The following SLC8A1 variants were observed in gnomAD, a reference collection of about 807,000 sequenced individuals.
The protein encoded by SLC8A1 is solute carrier family 8 member A1, also known as sodium/calcium exchanger 1.
Under a neutral mutation model 68.3 loss-of-function variants are expected in SLC8A1, and 18 were observed. That is an observed-to-expected ratio of 0.26 (90% CI 0.18 to 0.39). The LOEUF (loss-of-function observed/expected upper bound fraction) is 0.39, where lower values mean the gene tolerates loss of function less well. SLC8A1 is among the 10% of genes least tolerant of loss of function. SLC8A1 has a pLI of 1.00. For missense variants in SLC8A1, 985 were observed against 1,156.7 expected (o/e 0.85, Z 2.15); for synonymous variants, 475 against 415.5 (o/e 1.14, Z -1.74).
At chr2:40,309,788 G>A (rs946306646) in intron 2 of SLC8A1, among the ~76,000 whole-genome samples, 2 of 152,104 alleles carry the variant, frequency 1.3e-5, no homozygotes, top group African/African-American at 4.8e-5. Flanking sequence ...ACAGGCGTGA[G>A]CTATCGTTCC....
chr2:40,104,252 G>C (rs2125034181), exon 8 of SLC8A1: 2 of 152,280 alleles, frequency 1.3e-5, no homozygotes, highest in Admixed American at 1.3e-4. Context: ...AAGTCCAAAA[G>C]AGCAACAGGC....
At chr2:40,488,955 G>A (rs113583694) in intron 1 of SLC8A1, among the ~76,000 whole-genome samples, 74 of 152,220 alleles carry the variant, frequency 4.9e-4, no homozygotes, top group African/African-American at 1.6e-3. Flanking sequence ...GTTGGATTTG[G>A]AAGTAGAATA....
At chr2:40,334,044 T>C (rs1314158940) in intron 2 of SLC8A1, among the ~76,000 whole-genome samples, 2 of 152,078 alleles carry the variant, frequency 1.3e-5, no homozygotes, top group Non-Finnish European at 2.9e-5. Flanking sequence ...AGAAACTCCA[T>C]CTCAAAAACA....
chr2:40,411,422 G>C (rs569420389), intron 2 of SLC8A1, among the ~76,000 whole-genome samples: 19 of 152,014 alleles, frequency 1.2e-4, no homozygotes, highest in Admixed American at 7.9e-4. Context: ...TCTTAAAATA[G>C]CTTTGTGAAA....
At chr2:40,127,393 C>CAGAA (rs2038356212) in intron 7 of SLC8A1, among the ~76,000 whole-genome samples, 1 of 152,154 alleles carries the variant, frequency 6.6e-6, no homozygotes, top group Non-Finnish European at 1.5e-5. Flanking sequence ...TGCTGGTTCC[C>CAGAA]CTTGAGCAAC....
intron 2 of SLC8A1, among the ~76,000 whole-genome samples, chr2:40,273,728 G>T (rs1049140614): frequency 2.0e-5 from 3 of 152,162 alleles, no homozygotes; most frequent in African/African-American, 7.2e-5. Context: ...GTAATTCTAG[G>T]TCAGTCTGAT....
chr2:40,190,364 C>T (rs923901192), intron 2 of SLC8A1, among the ~76,000 whole-genome samples: 6 of 152,176 alleles, frequency 3.9e-5, no homozygotes, highest in African/African-American at 1.4e-4. Flanking sequence ...TAACCAATGC[C>T]TCAAAGCTAG....
intron 2 of SLC8A1, among the ~76,000 whole-genome samples, chr2:40,364,249 T>C (rs1675380849): frequency 6.6e-6 from 1 of 152,064 alleles, no homozygotes; most frequent in South Asian, 2.1e-4. Flanking sequence ...AATTAACTGA[T>C]GGGAATATAG....
upstream of SLC8A1, among the ~76,000 whole-genome samples, chr2:40,456,316 C>CATAAAA: frequency 9.8e-6 from 1 of 102,404 alleles, no homozygotes; most frequent in Non-Finnish European, 1.9e-5. Context: ...GACTCCGTCT[C>CATAAAA]AAAAAAAAAA....
chr2:40,353,675 C>T (rs566636343), intron 2 of SLC8A1, among the ~76,000 whole-genome samples: 62 of 152,260 alleles, frequency 4.1e-4, no homozygotes, highest in Non-Finnish European at 6.2e-4. Context: ...TCCACAGATG[C>T]CCCCTTCTTT....
chr2:40,341,018 G>T (rs1366435021), intron 2 of SLC8A1, among the ~76,000 whole-genome samples: 1 of 152,170 alleles, frequency 6.6e-6, no homozygotes, highest in African/African-American at 2.4e-5. Context: ...CCATAGTGGA[G>T]AAAGCATTTG....
chr2:40,239,675 G>C (rs1288850414), intron 2 of SLC8A1, among the ~76,000 whole-genome samples: 1 of 152,010 alleles, frequency 6.6e-6, no homozygotes, highest in Non-Finnish European at 1.5e-5. Flanking sequence ...GCAAGACTCT[G>C]TCTCAAAAAA....
At chr2:40,305,922 G>A (rs2072496332) in intron 2 of SLC8A1, among the ~76,000 whole-genome samples, 1 of 152,180 alleles carries the variant, frequency 6.6e-6, no homozygotes, top group African/African-American at 2.4e-5. Flanking sequence ...ACTAAGAGGA[G>A]CATTGTACAT....
chr2:40,280,278 G>A (rs10197285), intron 2 of SLC8A1, among the ~76,000 whole-genome samples: 65,950 of 135,860 alleles, frequency 0.49, 17,511 homozygotes, highest in East Asian at 0.72. Context: ...AAAAAAGGTT[G>A]TTTTCTCTTC....
At chr2:40,449,161 C>CA (rs1176796695) in intron 1 of SLC8A1, among the ~76,000 whole-genome samples, 1 of 137,142 alleles carries the variant, frequency 7.3e-6, no homozygotes. Context: ...AAAAAAAAAA[C>CA]AAAAAACAAA....
chr2:40,362,467 G>A (rs1200880299), intron 2 of SLC8A1, among the ~76,000 whole-genome samples: 1 of 152,016 alleles, frequency 6.6e-6, no homozygotes, highest in Non-Finnish European at 1.5e-5. Flanking sequence ...AAGAAAGAAT[G>A]CATCATTGTG....
intron 2 of SLC8A1, among the ~76,000 whole-genome samples, chr2:40,244,126 A>T (rs922120076): frequency 6.6e-6 from 1 of 152,144 alleles, no homozygotes; most frequent in South Asian, 2.1e-4. Flanking sequence ...TTCTTACCAG[A>T]TCACCTCCTC....
chr2:40,342,946 A>G (rs1360696819), intron 2 of SLC8A1, among the ~76,000 whole-genome samples: 1 of 152,194 alleles, frequency 6.6e-6, no homozygotes, highest in East Asian at 1.9e-4. Flanking sequence ...GGTCCCTCAC[A>G]GTGTACAATA....
intron 2 of SLC8A1, among the ~76,000 whole-genome samples, chr2:40,355,636 T>C (rs1358190889): frequency 6.6e-6 from 1 of 151,618 alleles, no homozygotes; most frequent in Non-Finnish European, 1.5e-5. Flanking sequence ...ATCTAGGGAG[T>C]GGTTTACCCT....
Sources: allele counts gnomAD v4.1 joint callset (sites outside exome capture counted in the v4.1 genomes callset), GRCh38; gene constraint gnomAD v4.1.1; transcripts MANE v1.5; gene names NCBI Gene and HGNC (gene_info 2026-07-23, HGNC 2026-07-21).